Variants in RABGAP1L observed in about 807,000 individuals in gnomAD.
The protein encoded by RABGAP1L is RAB GTPase activating protein 1 like, also known as rab GTPase-activating protein 1-like.
Under a neutral mutation model 137.7 loss-of-function variants are expected in RABGAP1L, and 63 were observed. That is an observed-to-expected ratio of 0.46 (90% CI 0.37 to 0.56). The LOEUF (loss-of-function observed/expected upper bound fraction) is 0.56. Ranked by LOEUF, RABGAP1L falls within the 20% of genes least tolerant of loss-of-function variation. The pLI, the probability that RABGAP1L is intolerant of heterozygous loss-of-function variation, is 0.00. For synonymous variants in RABGAP1L, 431 were observed against 433.7 expected, an observed-to-expected ratio of 0.99 and a Z score of 0.08; for missense variants, 1,095 against 1,244.0, an observed-to-expected ratio of 0.88 and a Z score of 1.80.
At chr1:174,223,278 A>AG (rs1295177819) in intron 3 of RABGAP1L, among the ~76,000 whole-genome samples, 1 of 130,522 alleles carries the variant, frequency 7.7e-6, no homozygotes, top group East Asian at 2.0e-4. Flanking sequence ...AAAAAAAAAA[A>AG]AAAAAAAAAA....
chr1:174,758,255 C>T (rs1039420901), intron 18 of RABGAP1L, among the ~76,000 whole-genome samples: 5 of 151,754 alleles, frequency 3.3e-5, no homozygotes, highest in Non-Finnish European at 7.4e-5. Flanking sequence ...TTTTATCTCC[C>T]CCTCTGCTAC....
intron 19 of RABGAP1L, among the ~76,000 whole-genome samples, chr1:174,850,596 G>T (rs181279049): frequency 6.6e-6 from 1 of 152,070 alleles, no homozygotes; most frequent in South Asian, 2.1e-4. Flanking sequence ...TTTACCTTAC[G>T]TTTTCAGTAA....
chr1:174,548,021 A>T (rs1484066262), intron 13 of RABGAP1L: 16 of 1,550,464 alleles, frequency 1.0e-5, no homozygotes, highest in South Asian at 2.4e-5. Context: ...TATGTCCTAA[A>T]ACACCAACTT....
intron 18 of RABGAP1L, among the ~76,000 whole-genome samples, chr1:174,765,872 A>C (rs2148714853): frequency 6.6e-6 from 1 of 152,208 alleles, no homozygotes; most frequent in South Asian, 2.1e-4. Context: ...ACTTTGATGC[A>C]TTTTGAGTTA....
intron 15 of RABGAP1L, among the ~76,000 whole-genome samples, chr1:174,683,834 T>C (rs1232318822): frequency 6.6e-6 from 1 of 152,224 alleles, no homozygotes; most frequent in African/African-American, 2.4e-5. Flanking sequence ...GGAGTTATTT[T>C]TAACTAGAAT....
intron 19 of RABGAP1L, among the ~76,000 whole-genome samples, chr1:174,822,868 C>G (rs2148891026): frequency 6.6e-6 from 1 of 152,256 alleles, no homozygotes; most frequent in Non-Finnish European, 1.5e-5. Flanking sequence ...TTGTTTCTAC[C>G]CTGTACCTAC....
intron 11 of RABGAP1L, among the ~76,000 whole-genome samples, chr1:174,333,569 C>G (rs1221486188): frequency 6.6e-6 from 1 of 152,138 alleles, no homozygotes; most frequent in Non-Finnish European, 1.5e-5. Flanking sequence ...TCAAAAACAG[C>G]CATTTCAGGA....
rs3085673 is a variant in RABGAP1L at position 174,814,988 on chromosome 1, C to CTATTGTATTG, written c.2340+3043_2340+3052dup. On this transcript the variant is annotated intron_variant, in intron 19 of 25. Coordinates refer to ENST00000681986, the MANE Select transcript of RABGAP1L (RefSeq NM_001366446.1). ...CAGGTGTGAGCCACCATTGCCCAACCTATTGTATTGTATTGTATTGTATTT... is the reference window on the plus strand; with the variant it reads ...CAGGTGTGAGCCACCATTGCCCAACCTATTGTATTGTATTGTATTGTATTGTATTGTATTT... Among the ~76,000 whole-genome samples, 46 of 152,008 alleles carry CTATTGTATTG rather than the reference C, an allele frequency of 3.0e-4. No homozygotes were observed. In the East Asian group the frequency reaches 6.2e-3, roughly 21 times the overall value.
At chr1:174,323,427 C>G (rs576655301) in intron 11 of RABGAP1L, among the ~76,000 whole-genome samples, 44 of 152,144 alleles carry the variant, frequency 2.9e-4, no homozygotes, top group African/African-American at 1.1e-3. Context: ...ATCTATATAA[C>G]TACACTCTTA....
At chr1:174,834,384 C>A (rs1573417052) in intron 19 of RABGAP1L, among the ~76,000 whole-genome samples, 1 of 151,168 alleles carries the variant, frequency 6.6e-6, no homozygotes, top group African/African-American at 2.4e-5. Context: ...CAAGATGGCA[C>A]CATTGCACTC....
chr1:174,637,237 G>T, intron 13 of RABGAP1L, 138 bp from the exon 14 acceptor site: 1 of 615,246 alleles, frequency 1.6e-6, no homozygotes, highest in South Asian at 2.1e-5. Flanking sequence ...AGGACTATGG[G>T]TCTGGGATAG....
intron 11 of RABGAP1L, among the ~76,000 whole-genome samples, chr1:174,345,290 T>C (rs1007324679): frequency 6.6e-6 from 1 of 152,190 alleles, no homozygotes; most frequent in Non-Finnish European, 1.5e-5. Flanking sequence ...TGATTCCATA[T>C]AAATTTTAGG....
chr1:174,833,950 C>G (rs146714952), intron 19 of RABGAP1L, among the ~76,000 whole-genome samples: 4 of 152,070 alleles, frequency 2.6e-5, no homozygotes. Flanking sequence ...AGGAGCTAAC[C>G]AGCTAAAGAG....
intron 13 of RABGAP1L, chr1:174,548,645 A>G (rs1666210104): frequency 1.2e-6 from 1 of 844,736 alleles, no homozygotes. Flanking sequence ...ATATTTCAGT[A>G]TTTGGCTAGG....
rs545564447 is a variant in RABGAP1L, at chr1:174,257,788, T to C, written c.986+5198T>C. ...TTTAAAGTTACTTTGAATACATAAA[T>C]GCTATATTGGTTTTATTTCTTTGTT... On this transcript the variant is annotated intron_variant, in intron 7 of 25. Transcript: ENST00000681986. Among the ~76,000 whole-genome samples, 13 of 152,338 alleles carry C rather than the reference T, an allele frequency of 8.5e-5. 1 individual carries two copies. Among genetic ancestry groups the C allele is most frequent in the South Asian group, 6.2e-4 (3 of 4,832 alleles).
chr1:174,218,492 G>A (rs760138294), intron 1 of RABGAP1L, among the ~76,000 whole-genome samples: 4 of 152,124 alleles, frequency 2.6e-5, no homozygotes, highest in Non-Finnish European at 4.4e-5. Context: ...ATTACACTGT[G>A]TTTGATTACT....
chr1:174,268,985 T>TG (rs1674316931), intron 7 of RABGAP1L, among the ~76,000 whole-genome samples: 1 of 152,142 alleles, frequency 6.6e-6, no homozygotes, highest in African/African-American at 2.4e-5. Flanking sequence ...TGGAGTGCAG[T>TG]GGCGCAGTCT....
intron 19 of RABGAP1L, among the ~76,000 whole-genome samples, chr1:174,891,074 A>T (rs1656060318): frequency 6.6e-6 from 1 of 152,232 alleles, no homozygotes; most frequent in African/African-American, 2.4e-5. Flanking sequence ...CTTAAAGGTT[A>T]TATTAGTTAA....
At chr1:174,617,590 A>T (rs1045416643) in intron 13 of RABGAP1L, among the ~76,000 whole-genome samples, 5 of 152,206 alleles carry the variant, frequency 3.3e-5, no homozygotes, top group African/African-American at 4.8e-5. Flanking sequence ...CCTTATGTTA[A>T]TGGAAATGTG....
Sources: gnomAD v4.1 joint callset for allele counts (sites outside exome capture counted in the v4.1 genomes callset) on GRCh38, gnomAD v4.1.1 for gene constraint, MANE v1.5 for transcripts, NCBI Gene and HGNC (gene_info 2026-07-23, HGNC 2026-07-21) for gene names.